Variants in DNAJC11 observed in about 807,000 individuals in gnomAD.
DNAJC11 encodes the protein DnaJ heat shock protein family (Hsp40) member C11.
DNAJC11 carries 15 observed loss-of-function variants against 78.6 expected under a neutral mutation model. The ratio of observed to expected loss-of-function variants is 0.19; its 90% CI spans 0.13 to 0.29. The LOEUF (loss-of-function observed/expected upper bound fraction) is 0.29. Among genes scored for constraint, DNAJC11 ranks in the 10% least tolerant of loss-of-function variants. The pLI is 1.00. For synonymous variants in DNAJC11, 292 were observed against 272.1 expected, an observed-to-expected ratio of 1.07 and a Z score of -0.72; for missense variants, 547 against 709.6, an observed-to-expected ratio of 0.77 and a Z score of 2.60.
At chr1:6,661,660 G>A (rs1570284899) in intron 4 of DNAJC11, among the ~76,000 whole-genome samples, 2 of 152,024 alleles carry the variant, frequency 1.3e-5, no homozygotes, top group Admixed American at 6.6e-5. Flanking sequence ...TTCTGCAGAC[G>A]GTAAATTGCC....
intron 1 of DNAJC11, among the ~76,000 whole-genome samples, chr1:6,697,469 C>G (rs1264845334): frequency 1.3e-5 from 2 of 152,230 alleles, no homozygotes; most frequent in African/African-American, 4.8e-5. Context: ...AGATCCCTTG[C>G]ATGTGCAGTT....
chr1:6,668,862 G>A (rs981162274), intron 3 of DNAJC11, among the ~76,000 whole-genome samples: 7 of 152,066 alleles, frequency 4.6e-5, no homozygotes, highest in African/African-American at 2.4e-5. Context: ...CATTAAACTC[G>A]GGGACGCAGA....
intron 1 of DNAJC11, among the ~76,000 whole-genome samples, chr1:6,695,627 TAA>T (rs70984004): frequency 4.2e-4 from 35 of 82,992 alleles, no homozygotes; most frequent in Non-Finnish European, 6.6e-4. Context: ...CTATCTCTAC[TAA>T]AAAAAAAAAA....
intron 3 of DNAJC11, among the ~76,000 whole-genome samples, chr1:6,674,217 C>A (rs1010817650): frequency 2.0e-5 from 3 of 152,090 alleles, no homozygotes; most frequent in African/African-American, 7.2e-5. Context: ...GGTTACATCT[C>A]ATTCCTTGGG....
At position 6,662,128 on chromosome 1, in the gene DNAJC11, G is replaced by GTTTTTTTTT. The variant is rs1222028818; in HGVS notation, c.378+5580_378+5581insAAAAAAAAA. 7.8e-4 allele frequency among the ~76,000 whole-genome samples: 107 copies of GTTTTTTTTT among 137,818 alleles called. 4 individuals are homozygous for GTTTTTTTTT. Among genetic ancestry groups the GTTTTTTTTT allele is most frequent in the African/African-American group, 1.4e-3 (50 of 36,470 alleles). The allele number at this position is 137,818 out of a possible 152,430, so 90.4% of individuals were successfully genotyped here. A position where few individuals can be genotyped will look rare whatever the true frequency, so the allele number is the denominator to read the frequency against. ...CACCATGCCCAGTTAATTGTTTTTT[G>GTTTTTTTTT]TTTTTTGTTTTTTTTTTTTGTAGAG... On this transcript the variant is annotated intron_variant, in intron 4 of 15. Coordinates refer to ENST00000377577, the MANE Select transcript of DNAJC11 (RefSeq NM_018198.4).
At chr1:6,655,395 G>A (rs951279807) in intron 4 of DNAJC11, among the ~76,000 whole-genome samples, 6 of 152,080 alleles carry the variant, frequency 3.9e-5, no homozygotes, top group Non-Finnish European at 8.8e-5. Flanking sequence ...AACAAGCTGT[G>A]GTATTCTACC....
At position 6,634,295 on chromosome 1, in the gene DNAJC11, T is replaced by A. The variant is rs917046261; in HGVS notation, c.*1380A>T. On this transcript the variant is annotated 3_prime_UTR_variant, in exon 16 of 16. Transcript: ENST00000377577. ...ACGGGAAGCCCGGGGCCCAGGCTCA[T>A]GCAACACGACGCTCACCGCGGCTCG... 4.4e-6 allele frequency: 4 copies of A among 905,252 alleles called. No individual in the cohort carries two copies. Among genetic ancestry groups the A allele is most frequent in the Non-Finnish European group, 4.9e-6 (3 of 616,946 alleles). The allele number at this position is 905,252 out of a possible 1,614,324, so 56.1% of individuals were successfully genotyped here.
intron 4 of DNAJC11, among the ~76,000 whole-genome samples, chr1:6,658,815 A>G (rs1642167869): frequency 6.6e-6 from 1 of 152,208 alleles, no homozygotes; most frequent in South Asian, 2.1e-4. Flanking sequence ...TAACCATATG[A>G]CATCAATACT....
intron 1 of DNAJC11, among the ~76,000 whole-genome samples, chr1:6,684,042 G>A (rs1642596131): frequency 6.6e-6 from 1 of 151,816 alleles, no homozygotes; most frequent in Non-Finnish European, 1.5e-5. Flanking sequence ...GATGTAAAAG[G>A]GACTTATTTT....
Position 6,655,029 on chromosome 1 carries a change from C to T in DNAJC11, c.379-990G>A, listed in dbSNP as rs560906174. The stretch of plus-strand genomic sequence containing the variant: ...GACCAGGATGGTCTCGATCTCTTGA[C>T]CTCATGATCCACTCGCCTCGGCCTC... On this transcript the variant is annotated intron_variant, in intron 4 of 15. Coordinates refer to ENST00000377577, the MANE Select transcript of DNAJC11 (RefSeq NM_018198.4). Among the ~76,000 whole-genome samples, 111 of 152,286 alleles carry T rather than the reference C, an allele frequency of 7.3e-4. 4 individuals carry two copies. In the South Asian group the frequency reaches 0.022, roughly 31 times the overall value.
intron 3 of DNAJC11, among the ~76,000 whole-genome samples, chr1:6,676,361 A>G (rs1191044135): frequency 6.6e-6 from 1 of 152,192 alleles, no homozygotes; most frequent in Non-Finnish European, 1.5e-5. Flanking sequence ...GTTAGCAACT[A>G]GAATTCACTG....
At chr1:6,643,451 A>G (rs934203709) in intron 10 of DNAJC11, among the ~76,000 whole-genome samples, 19 of 151,658 alleles carry the variant, frequency 1.3e-4, no homozygotes, top group Admixed American at 9.9e-4. Flanking sequence ...AATTTTTTGT[A>G]TTTTTAGTAG....
At chr1:6,641,486 G>A (rs1458020688) in intron 10 of DNAJC11, among the ~76,000 whole-genome samples, 1 of 146,788 alleles carries the variant, frequency 6.8e-6, no homozygotes, top group African/African-American at 2.5e-5. Context: ...GTAAGCATAA[G>A]AAGACTAAAA....
chr1:6,646,579 C>G (rs1217994751), intron 7 of DNAJC11, among the ~76,000 whole-genome samples: 1 of 152,162 alleles, frequency 6.6e-6, no homozygotes, highest in African/African-American at 2.4e-5. Flanking sequence ...TGTGTGATTT[C>G]TGATGTACTA....
At chr1:6,700,825 A>G (rs575306640) in intron 1 of DNAJC11, among the ~76,000 whole-genome samples, 11 of 152,122 alleles carry the variant, frequency 7.2e-5, no homozygotes, top group Non-Finnish European at 1.6e-4. Context: ...TGAGAGATGG[A>G]ATTAGGAATT....
rs965077202 is a variant in DNAJC11 at position 6,639,799 on chromosome 1, C to T, written c.1253+103G>A. On this transcript the variant is annotated intron_variant, in intron 11 of 15. Coordinates refer to ENST00000377577, the MANE Select transcript of DNAJC11 (RefSeq NM_018198.4). ...ACATGCATTACTTAATTCAGGTTTCCTCATCACCCGACGCAGGAGGCTCTG... is the reference window on the plus strand; with the variant it reads ...ACATGCATTACTTAATTCAGGTTTCTTCATCACCCGACGCAGGAGGCTCTG... 4.5e-6 allele frequency: 6 copies of T among 1,323,368 alleles called. No individual in the cohort carries two copies. The African/African-American group carries it at 6.0e-5, about 13-fold the overall frequency. 82.0% of individuals were successfully genotyped at this position (1,323,368 alleles called of 1,614,324 possible). A position where few individuals can be genotyped will look rare whatever the true frequency, so the allele number is the denominator to read the frequency against.
At chr1:6,656,249 T>C (rs1158368079) in intron 4 of DNAJC11, among the ~76,000 whole-genome samples, 1 of 152,022 alleles carries the variant, frequency 6.6e-6, no homozygotes, top group Non-Finnish European at 1.5e-5. Flanking sequence ...TGAAATTCCA[T>C]AACGGCATTT....
In DNAJC11 at chr1:6,640,053, T is replaced by C; in HGVS notation, c.1102A>G (p.Asn368Asp). The change falls in exon 11 of 16, where the codon AAC becomes GAC. Residue 368 changes from asparagine (N) to aspartate (D), a missense_variant. By Grantham distance (23) the Asn-to-Asp change is conservative (BLOSUM62 1). Transcript: ENST00000377577. ...AAGAAGTATGTCTGACTGGCCCTGT[T>C]GAGCCTGGGGAAAAATACAAAAAAA... ...PQGVSLKVKLNRASQTYFFPI... is the reference protein window; with the variant it reads ...PQGVSLKVKLDRASQTYFFPI... The C allele has an allele frequency of 6.5e-7, 1 of 1,539,674 alleles. No individual in the cohort carries two copies. The highest frequency in any genetic ancestry group is 1.2e-5 in the South Asian group (1 of 81,976).
At position 6,652,907 on chromosome 1, in the gene DNAJC11, G is replaced by C. The variant is rs1642077021; in HGVS notation, c.552C>G (p.Leu184=). Reference sequence around the variant, plus strand: ...CTCCTCCATTTCCATTCTGGGTTGAGAGGCTTCCAGAGAGGATGGCTGTGT... The same window carrying C: ...CTCCTCCATTTCCATTCTGGGTTGACAGGCTTCCAGAGAGGATGGCTGTGT... ...ATDTAILSGS[L]STQNGNGGGS... Residue 184 remains leucine, a synonymous_variant, in exon 6 of 16, where the codon CTC becomes CTG. Coordinates refer to ENST00000377577, the MANE Select transcript of DNAJC11 (RefSeq NM_018198.4). 2 of 1,614,074 alleles carry C rather than the reference G, an allele frequency of 1.2e-6. No homozygotes were observed. Among genetic ancestry groups the C allele is most frequent in the African/African-American group, 2.7e-5 (2 of 74,930 alleles).
Sources: gnomAD v4.1 joint callset for allele counts (sites outside exome capture counted in the v4.1 genomes callset) on GRCh38, gnomAD v4.1.1 for gene constraint, MANE v1.5 for transcripts, NCBI Gene and HGNC (gene_info 2026-07-23, HGNC 2026-07-21) for gene names.